Variants in AVEN observed in about 807,000 individuals in gnomAD.
The protein encoded by AVEN is cell death regulator Aven.
AVEN carries 41 observed loss-of-function variants against 38.1 expected under a neutral mutation model. The observed-to-expected ratio is 1.08, with a 90% CI of 0.84 to 1.40. The LOEUF (loss-of-function observed/expected upper bound fraction) is 1.40, where lower values mean the gene tolerates loss of function less well. Ranked by LOEUF, AVEN falls within the 40% of genes most tolerant of loss-of-function variation. The probability of loss-of-function intolerance (pLI) is 0.00; values close to 1 mark genes in which losing one functional copy is unlikely to be tolerated. For synonymous variants in AVEN, 206 were observed against 171.8 expected (o/e 1.20, Z -1.56); for missense variants, 605 against 438.8 (o/e 1.38, Z -3.38).
intron 2 of AVEN, among the ~76,000 whole-genome samples, chr15:33,926,616 G>A (rs536412026): frequency 6.6e-6 from 1 of 152,172 alleles, no homozygotes; most frequent in South Asian, 2.1e-4. Context: ...CTCAAAACCA[G>A]CCTAGACAAC....
intron 5 of AVEN, among the ~76,000 whole-genome samples, chr15:34,060,964 C>A (rs139338888): frequency 6.7e-6 from 1 of 149,992 alleles, no homozygotes; most frequent in East Asian, 2.0e-4. Flanking sequence ...TGCAGTGAGC[C>A]GAGATAGCGC....
chr15:33,936,893 A>T (rs1597249836), intron 2 of AVEN, among the ~76,000 whole-genome samples: 1 of 152,240 alleles, frequency 6.6e-6, no homozygotes. Flanking sequence ...ACACTTTGGG[A>T]GGCCGAGGCG....
intron 2 of AVEN, among the ~76,000 whole-genome samples, chr15:33,889,269 C>T (rs1597196279): frequency 1.3e-5 from 2 of 152,136 alleles, no homozygotes; most frequent in African/African-American, 4.8e-5. Context: ...ACTCTAAAAC[C>T]ACATTATTCA....
At chr15:33,901,033 A>C (rs1015245759) in intron 2 of AVEN, among the ~76,000 whole-genome samples, 3 of 152,176 alleles carry the variant, frequency 2.0e-5, no homozygotes, top group Admixed American at 2.0e-4. Flanking sequence ...TTGGGAGGCC[A>C]AGGCAGGCAC....
rs148495102 is a variant in AVEN, at chr15:34,063,595, A to T, written n.1127-163T>A. Reference sequence around the variant, plus strand: ...TCCCAAGCCACTGGCCCAAGCGCCAATTGGGCCAAAGCTGAGCAGCTCACC... The same window carrying T: ...TCCCAAGCCACTGGCCCAAGCGCCATTTGGGCCAAAGCTGAGCAGCTCACC... On this transcript the variant is annotated intron_variant and non_coding_transcript_variant, in intron 4 of 11. Coordinates refer to the AVEN transcript ENST00000675287. The surrounding 1 kb of genome is among the most constrained non-coding windows in gnomAD (Gnocchi z 4.1). The T allele has an allele frequency of 2.5e-6, 4 of 1,613,868 alleles. No individual in the cohort carries two copies. Among genetic ancestry groups the T allele is most frequent in the Non-Finnish European group, 3.4e-6 (4 of 1,180,022 alleles).
chr15:33,891,634 G>A (rs1315884066), intron 2 of AVEN, among the ~76,000 whole-genome samples: 2 of 152,168 alleles, frequency 1.3e-5, no homozygotes, highest in Non-Finnish European at 2.9e-5. Flanking sequence ...TATCAATGAT[G>A]GACATTTGGG....
downstream of AVEN, chr15:33,858,638 A>T (rs2079983334): frequency 1.5e-5 from 1 of 67,046 alleles, no homozygotes; most frequent in African/African-American, 3.3e-5. Flanking sequence ...TCAGCAAGCC[A>T]GTCGGAGGTT....
At chr15:33,986,411 C>T (rs1896472002) in intron 2 of AVEN, among the ~76,000 whole-genome samples, 1 of 151,832 alleles carries the variant, frequency 6.6e-6, no homozygotes, top group Non-Finnish European at 1.5e-5. Flanking sequence ...GCCCGGCCCA[C>T]TGTAAATTTT....
chr15:34,013,881 G>C (rs1346733149), intron 1 of AVEN, among the ~76,000 whole-genome samples: 1 of 152,078 alleles, frequency 6.6e-6, no homozygotes, highest in African/African-American at 2.4e-5. Context: ...GTAGACTCAC[G>C]GCCTGAGATG....
At chr15:33,951,624 T>C (rs1894755521) in intron 2 of AVEN, among the ~76,000 whole-genome samples, 2 of 152,076 alleles carry the variant, frequency 1.3e-5, no homozygotes, top group South Asian at 4.1e-4. Flanking sequence ...TCATTCCCCT[T>C]TCCCTCCTCT....
chr15:33,947,598 T>C (rs1318579495), intron 2 of AVEN, among the ~76,000 whole-genome samples: 2 of 152,150 alleles, frequency 1.3e-5, no homozygotes, highest in Non-Finnish European at 2.9e-5. Context: ...GGATATAACA[T>C]ACAACATCCT....
At chr15:33,954,137 A>T (rs368007529) in intron 2 of AVEN, among the ~76,000 whole-genome samples, 1 of 152,250 alleles carries the variant, frequency 6.6e-6, no homozygotes, top group Non-Finnish European at 1.5e-5. Context: ...GCGATCATTA[A>T]AAAGTCAGGA....
chr15:34,063,230 C>T lies in AVEN; in HGVS notation n.1329G>A. The T allele has an allele frequency of 6.2e-7, 1 of 1,614,206 alleles. No homozygotes were observed. The highest frequency in any genetic ancestry group is 8.5e-7 in the Non-Finnish European group (1 of 1,180,038). ...CCCCAGCAATCCTCTGCTGGCAGTA[C>T]TTGGTTGGGAAGCGGACAGTTCCAC... On this transcript the variant is annotated non_coding_transcript_exon_variant, in exon 5 of 12. Transcript: ENST00000675287. The surrounding 1 kb of genome is among the most constrained non-coding windows in gnomAD (Gnocchi z 4.1).
chr15:33,866,960 TCA>T (rs554364291), intron 5 of AVEN, among the ~76,000 whole-genome samples: 14 of 151,952 alleles, frequency 9.2e-5, no homozygotes, highest in Non-Finnish European at 1.8e-4. Context: ...GACCAACAGC[TCA>T]GTTTCCTTTT....
At chr15:34,011,022 T>C (rs1897613547) in intron 1 of AVEN, among the ~76,000 whole-genome samples, 1 of 152,118 alleles carries the variant, frequency 6.6e-6, no homozygotes, top group Non-Finnish European at 1.5e-5. Context: ...ATGACAGTTT[T>C]CGATATTTGA....
chr15:33,961,726 T>C (rs979532653), intron 2 of AVEN, among the ~76,000 whole-genome samples: 1 of 139,514 alleles, frequency 7.2e-6, no homozygotes, highest in Non-Finnish European at 1.5e-5. Context: ...GGCAGGAGAA[T>C]GGCGTGAACC....
intron 2 of AVEN, among the ~76,000 whole-genome samples, chr15:33,979,990 T>C (rs966912440): frequency 1.3e-5 from 2 of 152,074 alleles, no homozygotes; most frequent in African/African-American, 4.8e-5. Context: ...TTTTAAAAAA[T>C]AATCAGCTCA....
chr15:33,930,784 T>C (rs1320051051), intron 2 of AVEN, among the ~76,000 whole-genome samples: 1 of 151,850 alleles, frequency 6.6e-6, no homozygotes, highest in Admixed American at 6.6e-5. Context: ...TGAAACCCCA[T>C]CTCTACTAAA....
chr15:33,867,778 C>G lies in AVEN; in HGVS notation c.690G>C (p.Lys230Asn). The G allele has an allele frequency of 6.2e-7, 1 of 1,614,118 alleles. No individual in the cohort carries two copies. The change falls in exon 5 of 6, where the codon AAG becomes AAC. Residue 230 changes from lysine to asparagine, a missense_variant. By Grantham distance (94) the Lys-to-Asn change is moderately conservative (BLOSUM62 0). Coordinates refer to ENST00000306730, the MANE Select transcript of AVEN (RefSeq NM_020371.3). ...DDGKGLGMQL[K>N]GPLGPGGRGP... ...CCCTTCCTCCAGGCCCCAAGGGCCC[C>G]TTTAACTGCATCCCTAATCCCTTGC...
Sources: gnomAD v4.1 joint callset for allele counts (sites outside exome capture counted in the v4.1 genomes callset) on GRCh38, gnomAD v4.1.1 for gene constraint, Gnocchi (gnomAD v3.1) non-coding constraint, MANE v1.5 for transcripts, NCBI Gene and HGNC (gene_info 2026-07-23, HGNC 2026-07-21) for gene names.